Variants in IGSF10 observed in about 807,000 individuals in gnomAD.
IGSF10 encodes the protein calvaria mechanical force protein 608.
Under a neutral mutation model 128.2 loss-of-function variants are expected in IGSF10, and 126 were observed. The observed-to-expected ratio is 0.98, with a 90% CI of 0.85 to 1.14. IGSF10 has a LOEUF of 1.14. IGSF10 is among the 50% of genes most tolerant of loss of function. The probability of loss-of-function intolerance (pLI) is 0.00; values close to 1 mark genes in which losing one functional copy is unlikely to be tolerated. For missense variants in IGSF10, 3,295 were observed against 3,149.8 expected (o/e 1.05, Z -1.10); for synonymous variants, 1,185 against 1,146.2 (o/e 1.03, Z -0.68).
At chr3:151,603,133 T>C in the IGSF10 span, among the ~76,000 whole-genome samples, 1 of 152,364 alleles carries the variant, frequency 6.6e-6, no homozygotes, top group Non-Finnish European at 1.5e-5. Flanking sequence ...TTTCAGGTTG[T>C]CTGTGATCTG....
At chr3:151,533,817 A>G in the IGSF10 span, among the ~76,000 whole-genome samples, 11 of 152,344 alleles carry the variant, frequency 7.2e-5, no homozygotes, top group Middle Eastern at 3.4e-3. Context: ...ATCTAATTAA[A>G]CTAATAAGCT....
In IGSF10 at chr3:151,446,184, G is replaced by A. The variant is rs114582530; in HGVS notation, c.3797C>T (p.Thr1266Ile). 1 of 1,613,888 alleles carries A rather than the reference G, an allele frequency of 6.2e-7. No homozygotes were observed. The highest frequency in any genetic ancestry group is 1.3e-5 in the African/African-American group (1 of 74,918). The change falls in exon 6 of 8, where the codon ACC becomes ATC. Residue 1266 changes from threonine to isoleucine, a missense_variant. Physicochemically the swap from Thr to Ile is moderately conservative, Grantham distance 89 (BLOSUM62 -1). Coordinates refer to ENST00000282466, the MANE Select transcript of IGSF10 (RefSeq NM_178822.5). ...STSVMQIPSN[T>I]LTTAHHTTTK... The stretch of plus-strand genomic sequence containing the variant: ...CGTAGTGTGGTGAGCGGTAGTCAAG[G>A]TATTAGATGGAATTTGCATCACACT...
At chr3:151,564,381 T>C in the IGSF10 span, among the ~76,000 whole-genome samples, 1 of 152,156 alleles carries the variant, frequency 6.6e-6, no homozygotes, top group African/African-American at 2.4e-5. Flanking sequence ...TACATATATG[T>C]TTTGGCCAGC....
intron 3 of IGSF10, 100 bp from the exon 4 acceptor site, chr3:151,457,255 T>C: frequency 1.8e-6 from 2 of 1,091,636 alleles, no homozygotes; most frequent in Admixed American, 4.2e-5. Context: ...TACCTCTCTT[T>C]ATAACTGTAC....
the IGSF10 span, among the ~76,000 whole-genome samples, chr3:151,547,419 A>AATATAT: frequency 3.3e-3 from 463 of 141,666 alleles, 3 homozygotes; most frequent in African/African-American, 0.012. Flanking sequence ...ATATTATATA[A>AATATAT]ATATATATAT....
chr3:151,574,185 A>G, the IGSF10 span, among the ~76,000 whole-genome samples: 10 of 152,036 alleles, frequency 6.6e-5, no homozygotes, highest in African/African-American at 2.4e-4. Flanking sequence ...GCACCTGACA[A>G]TTATGTGTCT....
chr3:151,485,736 C>T, the IGSF10 span, among the ~76,000 whole-genome samples: 7 of 152,178 alleles, frequency 4.6e-5, no homozygotes, highest in African/African-American at 1.7e-4. Context: ...AAATCCTTCA[C>T]AGACAAGCAA....
chr3:151,437,069 C>CTGT lies in IGSF10; in HGVS notation c.7489_7491dup (p.Thr2497dup), dbSNP rs745511956. On this transcript the variant is annotated inframe_insertion, in exon 8 of 8. Transcript: ENST00000282466. ...CAGATATAGTTTCCTCTGTCATAAG[C>CTGT]TGTTGCTTCTTTAATGACTAAGGTG... The CTGT allele has an allele frequency of 6.2e-7, 1 of 1,614,180 alleles. No homozygotes were observed. The highest frequency in any genetic ancestry group is 1.3e-5 in the African/African-American group (1 of 75,052).
chr3:151,554,615 C>T, the IGSF10 span, among the ~76,000 whole-genome samples: 3 of 152,064 alleles, frequency 2.0e-5, no homozygotes, highest in Non-Finnish European at 2.9e-5. Context: ...GTTATAAAGT[C>T]ACATTAAACA....
chr3:151,532,638 T>TA, the IGSF10 span, among the ~76,000 whole-genome samples: 8 of 152,146 alleles, frequency 5.3e-5, no homozygotes, highest in Middle Eastern at 6.3e-3. Context: ...CGCTTCATGC[T>TA]AAAAACTCTC....
chr3:151,530,288 T>C, the IGSF10 span, among the ~76,000 whole-genome samples: 1 of 152,192 alleles, frequency 6.6e-6, no homozygotes, highest in Admixed American at 6.5e-5. Flanking sequence ...TTAGTTTCAT[T>C]CTTCAGGATA....
At chr3:151,482,715 A>G in the IGSF10 span, among the ~76,000 whole-genome samples, 1 of 152,192 alleles carries the variant, frequency 6.6e-6, no homozygotes, top group South Asian at 2.1e-4. Context: ...AATAGATTCA[A>G]CCCAAGGAAG....
At chr3:151,540,392 T>G in the IGSF10 span, among the ~76,000 whole-genome samples, 1 of 152,222 alleles carries the variant, frequency 6.6e-6, no homozygotes. Flanking sequence ...TAATACAGTA[T>G]GTACTCTGGT....
chr3:151,465,539 A>G (rs1722250640), upstream of IGSF10, among the ~76,000 whole-genome samples: 1 of 152,210 alleles, frequency 6.6e-6, no homozygotes, highest in Non-Finnish European at 1.5e-5. Context: ...GAACTCTTCT[A>G]GTTTCTTCTT....
the IGSF10 span, among the ~76,000 whole-genome samples, chr3:151,579,881 A>AGAAAGGAAGGAG: frequency 6.7e-6 from 1 of 148,788 alleles, no homozygotes; most frequent in Admixed American, 6.7e-5. Context: ...AAGGAAAGGA[A>AGAAAGGAAGGAG]GGAAGGAAGG....
the IGSF10 span, among the ~76,000 whole-genome samples, chr3:151,518,503 T>C: frequency 6.6e-6 from 1 of 152,000 alleles, no homozygotes; most frequent in Admixed American, 6.6e-5. Context: ...TAAAATACCA[T>C]TTTCTAATCA....
chr3:151,437,605 C>T lies in IGSF10; in HGVS notation c.6956G>A (p.Gly2319Asp), dbSNP rs761020196. 2.5e-6 allele frequency: 4 copies of T among 1,614,188 alleles called. No individual in the cohort carries two copies. The highest frequency in any genetic ancestry group is 1.1e-5 in the South Asian group (1 of 91,084). The change falls in exon 8 of 8, where the codon GGT (glycine) becomes GAT (aspartate). Residue 2319 changes from glycine to aspartate, a missense_variant. By Grantham distance (94) the Gly-to-Asp change is moderately conservative. Transcript: ENST00000282466. Reference sequence around the variant, plus strand: ...CTGTACTACCAACACGCTCTCTCCACCTTCATTTCGGGCCACACAGATAAA... The same window carrying T: ...CTGTACTACCAACACGCTCTCTCCATCTTCATTTCGGGCCACACAGATAAA... ...ADFICVARNE[G>D]GESVLVVQLE...
the IGSF10 span, among the ~76,000 whole-genome samples, chr3:151,520,568 G>A: frequency 6.6e-6 from 1 of 151,728 alleles, no homozygotes. Flanking sequence ...GAGAGTGGGG[G>A]CCTATATTCA....
At chr3:151,462,040 A>G (rs1722081141), upstream of IGSF10, among the ~76,000 whole-genome samples, 1 of 151,710 alleles carries the variant, frequency 6.6e-6, no homozygotes, top group African/African-American at 2.4e-5. Context: ...CTCCTTTCTC[A>G]TCTCCAACCC....
Sources: gnomAD v4.1 joint callset for allele counts (sites outside exome capture counted in the v4.1 genomes callset) on GRCh38, gnomAD v4.1.1 for gene constraint, MANE v1.5 for transcripts, NCBI Gene and HGNC (gene_info 2026-07-23, HGNC 2026-07-21) for gene names.